Variants in CCDC38 observed in about 807,000 individuals in gnomAD.
CCDC38 encodes the protein coiled-coil domain-containing protein 38.
Under a neutral mutation model 72.8 loss-of-function variants are expected in CCDC38, and 69 were observed. That is an observed-to-expected ratio of 0.95 (90% CI 0.78 to 1.16). The LOEUF is 1.16. Ranked by LOEUF, CCDC38 falls within the 50% of genes most tolerant of loss-of-function variation. The pLI is 0.00. For synonymous variants in CCDC38, 201 were observed against 213.2 expected, an observed-to-expected ratio of 0.94 and a Z score of 0.50; for missense variants, 626 against 638.9, an observed-to-expected ratio of 0.98 and a Z score of 0.22.
chr12:95,869,441 CAT>C (rs2079556601), intron 15 of CCDC38, 37 bp downstream of exon 15: 1 of 1,428,410 alleles, frequency 7.0e-7, no homozygotes, highest in Non-Finnish European at 9.8e-7. Flanking sequence ...TTTTGTATCA[CAT>C]ATTGATATGG....
intron 10 of CCDC38, among the ~76,000 whole-genome samples, chr12:95,882,370 C>G (rs1276725664): frequency 6.6e-6 from 1 of 152,086 alleles, no homozygotes; most frequent in East Asian, 1.9e-4. Flanking sequence ...ACAAAGATGA[C>G]TCCAACATTT....
intron 4 of CCDC38, among the ~76,000 whole-genome samples, chr12:95,910,845 C>A (rs567455337): frequency 6.6e-6 from 1 of 152,168 alleles, no homozygotes; most frequent in African/African-American, 2.4e-5. Flanking sequence ...GCCTGGGGGA[C>A]AGAGTAAGAC....
chr12:95,892,583 C>CTTTT (rs577335624), intron 8 of CCDC38, among the ~76,000 whole-genome samples: 1 of 121,220 alleles, frequency 8.2e-6, no homozygotes. Context: ...GGCTTAAATT[C>CTTTT]TTTTTTTTTT....
intron 5 of CCDC38, among the ~76,000 whole-genome samples, chr12:95,900,272 A>G (rs1386300897): frequency 2.6e-5 from 4 of 152,230 alleles, no homozygotes; most frequent in African/African-American, 9.6e-5. Context: ...ACTGAATGCC[A>G]TAATCCCAAA....
At chr12:95,907,739 G>A (rs1320522702) in intron 4 of CCDC38, among the ~76,000 whole-genome samples, 1 of 149,888 alleles carries the variant, frequency 6.7e-6, no homozygotes, top group East Asian at 2.0e-4. Flanking sequence ...CGGTTGCCAG[G>A]CAGAGGGTCT....
intron 2 of CCDC38, among the ~76,000 whole-genome samples, chr12:95,929,388 C>T (rs939515095): frequency 3.9e-5 from 6 of 152,204 alleles, no homozygotes; most frequent in African/African-American, 1.4e-4. Flanking sequence ...ATGCCTTGCC[C>T]TGCTTCGGCT....
intron 2 of CCDC38, among the ~76,000 whole-genome samples, chr12:95,920,311 C>T (rs974394766): frequency 7.9e-5 from 12 of 152,168 alleles, no homozygotes; most frequent in African/African-American, 1.9e-4. Flanking sequence ...CCATATAAGA[C>T]GTGACTTTCC....
At chr12:95,915,242 T>C (rs1258566183) in intron 4 of CCDC38, among the ~76,000 whole-genome samples, 2 of 152,172 alleles carry the variant, frequency 1.3e-5, no homozygotes. Flanking sequence ...CAAGAGGCCA[T>C]GAATTAATAA....
intron 10 of CCDC38, among the ~76,000 whole-genome samples, chr12:95,884,828 C>A (rs1000156490): frequency 6.6e-6 from 1 of 152,196 alleles, no homozygotes; most frequent in Non-Finnish European, 1.5e-5. Flanking sequence ...CTAATGACTT[C>A]ATCTTACTTT....
At chr12:95,883,287 C>T (rs973910066) in intron 10 of CCDC38, among the ~76,000 whole-genome samples, 2 of 152,168 alleles carry the variant, frequency 1.3e-5, no homozygotes, top group African/African-American at 4.8e-5. Flanking sequence ...GGGTCTCTGT[C>T]ACACTCTTGT....
chr12:95,918,747 A>C, intron 3 of CCDC38, 129 bp downstream of exon 3: 1 of 630,168 alleles, frequency 1.6e-6, no homozygotes, highest in Non-Finnish European at 2.8e-6. Context: ...TCTCCCCATC[A>C]TGGTGTGGGG....
chr12:95,877,764 A>T (rs2079650963), intron 13 of CCDC38, among the ~76,000 whole-genome samples: 1 of 152,210 alleles, frequency 6.6e-6, no homozygotes, highest in African/African-American at 2.4e-5. Context: ...TAATGAGTCT[A>T]TGCAGGCCTG....
intron 8 of CCDC38, 110 bp from the exon 9 acceptor site, chr12:95,891,040 T>A: frequency 1.7e-6 from 1 of 602,588 alleles, no homozygotes; most frequent in African/African-American, 1.9e-5. Flanking sequence ...TGTCAAAACT[T>A]CCAGGGACAG....
At chr12:95,935,593 C>A in intron 2 of CCDC38, 1 of 243,212 alleles carries the variant, frequency 4.1e-6, no homozygotes, top group South Asian at 4.2e-5. Context: ...TCTCTTGCAG[C>A]CAAACTTTTA....
At chr12:95,932,654 A>G (rs2080350630) in intron 2 of CCDC38, among the ~76,000 whole-genome samples, 1 of 152,218 alleles carries the variant, frequency 6.6e-6, no homozygotes, top group Non-Finnish European at 1.5e-5. Context: ...GAGATGAGTC[A>G]TGTTTGTGGA....
intron 10 of CCDC38, among the ~76,000 whole-genome samples, chr12:95,886,648 G>C (rs887006030): frequency 6.6e-6 from 1 of 152,132 alleles, no homozygotes; most frequent in African/African-American, 2.4e-5. Context: ...TAGAAAGTGA[G>C]CAAAAGACAT....
At chr12:95,881,119 G>A (rs2079695297) in intron 11 of CCDC38, among the ~76,000 whole-genome samples, 1 of 151,910 alleles carries the variant, frequency 6.6e-6, no homozygotes, top group Non-Finnish European at 1.5e-5. Flanking sequence ...CAGCAATAAA[G>A]GGTTGTTTTG....
chr12:95,884,148 G>C (rs564548769), intron 10 of CCDC38, among the ~76,000 whole-genome samples: 2 of 152,166 alleles, frequency 1.3e-5, no homozygotes, highest in African/African-American at 4.8e-5. Context: ...TAAAGCTGTC[G>C]CTATGTGCAA....
chr12:95,929,954 A>AC (rs2080319859), intron 2 of CCDC38, among the ~76,000 whole-genome samples: 1 of 152,096 alleles, frequency 6.6e-6, no homozygotes, highest in African/African-American at 2.4e-5. Flanking sequence ...CTCCAACTTC[A>AC]CATGGCCTTC....
Sources: gnomAD v4.1 joint callset for allele counts (sites outside exome capture counted in the v4.1 genomes callset) on GRCh38, gnomAD v4.1.1 for gene constraint, MANE v1.5 for transcripts, NCBI Gene and HGNC (gene_info 2026-07-23, HGNC 2026-07-21) for gene names.